Variants in OLFM1 observed in about 807,000 individuals in gnomAD.
OLFM1 encodes noelin.
In OLFM1, 9 loss-of-function variants were observed where a neutral mutation model predicts 49.7. That is an observed-to-expected ratio of 0.18 (90% CI 0.11 to 0.32). The LOEUF (loss-of-function observed/expected upper bound fraction) is 0.32. Among genes scored for constraint, OLFM1 ranks in the 10% least tolerant of loss-of-function variants. The pLI is 1.00. For synonymous variants in OLFM1, 240 were observed against 271.8 expected (o/e 0.88, Z 1.15); for missense variants, 369 against 661.8 (o/e 0.56, Z 4.85).
At chr9:135,075,757 C>A in exon 1 of OLFM1, 3 of 1,607,302 alleles carry the variant, frequency 1.9e-6, no homozygotes, top group Non-Finnish European at 2.5e-6. Context: ...CCCGGAAGCT[C>A]CTCAGCCTCC....
rs60164609 is a variant in OLFM1, at chr9:135,089,207, C to G, written c.151-988C>G. Among the ~76,000 whole-genome samples, 389 of 152,350 alleles carry G rather than the reference C, an allele frequency of 2.6e-3. 3 individuals carry two copies. Among genetic ancestry groups the G allele is most frequent in the African/African-American group, 8.8e-3 (367 of 41,580 alleles). On this transcript the variant is annotated intron_variant, in intron 1 of 5. Coordinates refer to ENST00000371793, the MANE Select transcript of OLFM1 (RefSeq NM_001282611.2). Reference sequence around the variant, plus strand: ...TTCCTCCATGATGACTTTGTTCCGGCCTGCCGGTCCCGATCTTCTGGGGTT... The same window carrying G: ...TTCCTCCATGATGACTTTGTTCCGGGCTGCCGGTCCCGATCTTCTGGGGTT...
intron 1 of OLFM1, among the ~76,000 whole-genome samples, chr9:135,081,555 CG>C (rs1588201247): frequency 6.6e-6 from 1 of 152,286 alleles, no homozygotes; most frequent in African/African-American, 2.4e-5. Context: ...CCCTTGGAAA[CG>C]GGGATGCATC....
chr9:135,075,875 G>T (rs571445014), intron 1 of OLFM1: 2 of 1,491,470 alleles, frequency 1.3e-6, no homozygotes, highest in Non-Finnish European at 1.8e-6. Flanking sequence ...CACAAAGTCC[G>T]GGAACGGCTC....
At chr9:135,095,123 T>C (rs1000853281) in intron 2 of OLFM1, 5 of 152,234 alleles carry the variant, frequency 3.3e-5, no homozygotes, top group African/African-American at 7.2e-5. Flanking sequence ...AAGTTCCATC[T>C]TGAGGCTAGA....
intron 4 of OLFM1, 133 bp from the exon 5 acceptor site, chr9:135,106,616 C>A: frequency 1.6e-6 from 1 of 645,096 alleles, no homozygotes; most frequent in South Asian, 1.9e-5. Flanking sequence ...CAGCTTTCCA[C>A]AGTACCCCAG....
At chr9:135,119,460 TG>T (rs758064601) in intron 5 of OLFM1, 43 bp from the exon 6 acceptor site, 92 of 1,519,928 alleles carry the variant, frequency 6.1e-5, no homozygotes, top group Non-Finnish European at 7.7e-5. Flanking sequence ...GAGTACTCAC[TG>T]GGTCTTTGGA....
At position 135,091,682 on chromosome 9, in the gene OLFM1, T is replaced by TCACACACAC. The variant is rs1564270847; in HGVS notation, c.300+1338_300+1339insCACACACAC. ...ACACACACAGTCACACACTCACACA[T>TCACACACAC]AGTCTCACACACACACAGTCACACT... On this transcript the variant is annotated intron_variant, in intron 2 of 5. Transcript: ENST00000371793. 6.8e-4 allele frequency among the ~76,000 whole-genome samples: 9 copies of TCACACACAC among 13,286 alleles called. 1 individual carries two copies. Among genetic ancestry groups the TCACACACAC allele is most frequent in the Non-Finnish European group, 1.1e-3 (8 of 6,986 alleles). The allele number at this position is 13,286 out of a possible 152,430, so 8.7% of individuals were successfully genotyped here.
intron 5 of OLFM1, among the ~76,000 whole-genome samples, chr9:135,108,547 C>G (rs137994151): frequency 6.6e-6 from 1 of 151,850 alleles, no homozygotes; most frequent in Non-Finnish European, 1.5e-5. Context: ...GCATAAGAAT[C>G]GCTTGAACCT....
At chr9:135,094,178 G>A (rs1325320211) in intron 2 of OLFM1, among the ~76,000 whole-genome samples, 1 of 152,136 alleles carries the variant, frequency 6.6e-6, no homozygotes, top group African/African-American at 2.4e-5. Context: ...GGCTGCAGGA[G>A]CTACTCCCGT....
In OLFM1 at chr9:135,120,145, C is replaced by G. The variant is rs1831167324; in HGVS notation, c.1425C>G (p.Thr475=). 6.2e-7 allele frequency: 1 copy of G among 1,613,502 alleles called. No individual in the cohort carries two copies. The highest frequency in any genetic ancestry group is 8.5e-7 in the Non-Finnish European group (1 of 1,179,780). ...NNGHQILYNV[T]LFHVIRSDEL is the part of the protein sequence containing the mutation. ...GCCACCAGATCCTCTACAACGTGAC[C>G]CTCTTCCACGTCATCCGCTCCGACG... Residue 475 remains threonine (T), a synonymous_variant, in exon 6 of 6, where the codon ACC becomes ACG. Transcript: ENST00000371793.
At chr9:135,101,718 G>T (rs539376873) in intron 4 of OLFM1, among the ~76,000 whole-genome samples, 1 of 152,302 alleles carries the variant, frequency 6.6e-6, no homozygotes, top group East Asian at 1.9e-4. Context: ...TCTCTCCAGG[G>T]GAGCCTGCAG....
At position 135,096,025 on chromosome 9, in the gene OLFM1, C is replaced by T; in HGVS notation, c.456+6C>T. On this transcript the variant is annotated splice_donor_region_variant and intron_variant, in intron 3 of 5. Transcript: ENST00000371793. ...ACCTGGCCAGGCAGTTTAAGGTATG[C>T]ATGTTCCTCCCCCTCTCCCTCCCCT... 1 of 1,374,354 alleles carries T rather than the reference C, an allele frequency of 7.3e-7. No homozygotes were observed. Among genetic ancestry groups the T allele is most frequent in the South Asian group, 1.4e-5 (1 of 69,636 alleles). 85.1% of individuals were successfully genotyped at this position (1,374,354 alleles called of 1,614,324 possible).
rs1324192865 is a variant in OLFM1 at position 135,120,019 on chromosome 9, C to T, written c.1299C>T (p.Ser433=). ...ACTATGCATACCAGACCAATGCCTC[C>T]ACCTATGAATACATCGACATCCCAT... ...KVHYAYQTNA[S]TYEYIDIPFQ... is the part of the protein sequence containing the mutation. Residue 433 remains serine, a synonymous_variant, in exon 6 of 6, where the codon TCC becomes TCT. Coordinates refer to ENST00000371793, the MANE Select transcript of OLFM1 (RefSeq NM_001282611.2). 6 of 1,613,888 alleles carry T rather than the reference C, an allele frequency of 3.7e-6. No individual in the cohort carries two copies. The highest frequency in any genetic ancestry group is 1.3e-5 in the African/African-American group (1 of 74,932).
At position 135,098,534 on chromosome 9, in the gene OLFM1, G is replaced by C; in HGVS notation, c.676+29G>C. The C allele has an allele frequency of 6.3e-7, 1 of 1,578,338 alleles. No individual in the cohort carries two copies. The highest frequency in any genetic ancestry group is 8.7e-7 in the Non-Finnish European group (1 of 1,149,044). The stretch of plus-strand genomic sequence containing the variant: ...GGCCCAGTACCCTGCGGGACGTGGC[G>C]CTGCACTGCCCACCTCCGGCACACG... On this transcript the variant is annotated intron_variant, in intron 4 of 5. Transcript: ENST00000371793. This position sits in a 1 kb window ranked among gnomAD's most constrained non-coding sequence, Gnocchi z 5.6.
chr9:135,103,643 T>C (rs539972975), intron 4 of OLFM1, among the ~76,000 whole-genome samples: 2 of 152,126 alleles, frequency 1.3e-5, no homozygotes, highest in South Asian at 4.2e-4. Flanking sequence ...AGAGCCGCCC[T>C]CTGGAGAGCA....
chr9:135,075,830 C>T, intron 1 of OLFM1: 1 of 1,581,878 alleles, frequency 6.3e-7, no homozygotes, highest in South Asian at 1.1e-5. Flanking sequence ...CATTTTCCTC[C>T]CTGCCAGGCG....
chr9:135,078,705 G>A (rs1830497607), intron 1 of OLFM1, among the ~76,000 whole-genome samples: 2 of 152,216 alleles, frequency 1.3e-5, no homozygotes, highest in Admixed American at 1.3e-4. Context: ...GGAAGGTGGG[G>A]CAGGGCAGGG....
At chr9:135,110,946 C>T (rs749444391) in intron 5 of OLFM1, among the ~76,000 whole-genome samples, 5 of 152,234 alleles carry the variant, frequency 3.3e-5, no homozygotes, top group Non-Finnish European at 7.3e-5. Context: ...CTTCCCACTT[C>T]CCGGGGGCTG....
At position 135,112,728 on chromosome 9, in the gene OLFM1, G is replaced by A. The variant is rs540221669; in HGVS notation, c.783+5873G>A. On this transcript the variant is annotated intron_variant, in intron 5 of 5. Coordinates refer to ENST00000371793, the MANE Select transcript of OLFM1 (RefSeq NM_001282611.2). The stretch of plus-strand genomic sequence containing the variant: ...TGGGAGAGCTCAGCAGCAAGGGCTC[G>A]TGTGGACACCGTGGTGTCCTGGGAG... Among the ~76,000 whole-genome samples the A allele has an allele frequency of 2.1e-3, 325 of 152,370 alleles. 2 individuals are homozygous for A. The highest frequency in any genetic ancestry group is 7.1e-3 in the African/African-American group (297 of 41,588).
Sources: gnomAD v4.1 joint callset for allele counts (sites outside exome capture counted in the v4.1 genomes callset) on GRCh38, gnomAD v4.1.1 for gene constraint, Gnocchi (gnomAD v3.1) non-coding constraint, MANE v1.5 for transcripts, NCBI Gene and HGNC (gene_info 2026-07-23, HGNC 2026-07-21) for gene names.